GABRB3: variants seen among roughly 807,000 people sequenced by gnomAD.
The protein encoded by GABRB3 is gamma-aminobutyric acid type A receptor subunit beta3.
In GABRB3, 14 loss-of-function variants were observed where a neutral mutation model predicts 52.1. The observed-to-expected ratio is 0.27, with a 90% CI of 0.18 to 0.42. GABRB3 has a LOEUF of 0.42. Ranked by LOEUF, GABRB3 falls within the 10% of genes least tolerant of loss-of-function variation. The probability of loss-of-function intolerance (pLI) is 1.00; values close to 1 mark genes in which losing one functional copy is unlikely to be tolerated. For synonymous variants in GABRB3, 260 were observed against 232.3 expected, an observed-to-expected ratio of 1.12 and a Z score of -1.08; for missense variants, 307 against 609.1, an observed-to-expected ratio of 0.50 and a Z score of 5.22.
At chr15:26,765,442 C>A (rs191427629) in intron 3 of GABRB3, among the ~76,000 whole-genome samples, 260 of 152,242 alleles carry the variant, frequency 1.7e-3, no homozygotes, top group African/African-American at 6.1e-3. Context: ...TGAATTATGT[C>A]CTCTAAAGTA....
intron 3 of GABRB3, among the ~76,000 whole-genome samples, chr15:26,663,411 T>C (rs1225564703): frequency 6.6e-6 from 1 of 152,252 alleles, no homozygotes; most frequent in Non-Finnish European, 1.5e-5. Flanking sequence ...ATGGTTTTGA[T>C]GCACGCATAT....
chr15:26,572,788 T>C (rs1333695238), intron 6 of GABRB3, among the ~76,000 whole-genome samples: 2 of 152,166 alleles, frequency 1.3e-5, no homozygotes, highest in Non-Finnish European at 2.9e-5. Context: ...AGTGCAGACG[T>C]GGTCAGGTCC....
At chr15:26,652,984 A>G (rs1265309450) in intron 3 of GABRB3, among the ~76,000 whole-genome samples, 1 of 152,206 alleles carries the variant, frequency 6.6e-6, no homozygotes, top group Non-Finnish European at 1.5e-5. Flanking sequence ...CGGCCTTTGC[A>G]AAAATTGCAA....
rs1218862447 is a variant in GABRB3 at position 26,621,350 on chromosome 15, C to T, written c.425G>A (p.Arg142His). ...HGVTVKNRMI[R>H]LHPDGTVLYG... The stretch of plus-strand genomic sequence containing the variant: ...CAGCACTGTCCCATCAGGGTGAAGA[C>T]GGATCATGCGGTTTTTCACTGTCAC... Residue 142 changes from arginine to histidine, a missense_variant, in exon 4 of 9, where the codon CGT (arginine) becomes CAT (histidine). Coordinates refer to ENST00000311550, the MANE Select transcript of GABRB3 (RefSeq NM_000814.6). This position sits in a 1 kb window ranked among gnomAD's most constrained non-coding sequence, Gnocchi z 4.1. The T allele has an allele frequency of 1.2e-6, 2 of 1,613,958 alleles. No homozygotes were observed. Among genetic ancestry groups the T allele is most frequent in the Admixed American group, 1.7e-5 (1 of 60,026 alleles).
intron 4 of GABRB3, among the ~76,000 whole-genome samples, chr15:26,606,460 T>A (rs1405542501): frequency 2.0e-5 from 3 of 151,876 alleles, no homozygotes; most frequent in Non-Finnish European, 4.4e-5. Flanking sequence ...TTGAAAAAAT[T>A]GAAAAAATAT....
intron 3 of GABRB3, among the ~76,000 whole-genome samples, chr15:26,676,843 C>T (rs1035787960): frequency 1.3e-5 from 2 of 152,094 alleles, no homozygotes; most frequent in African/African-American, 4.8e-5. Flanking sequence ...CCACATGATA[C>T]CAGATATTAT....
At chr15:26,726,679 G>A (rs1008533114) in intron 3 of GABRB3, among the ~76,000 whole-genome samples, 1 of 152,066 alleles carries the variant, frequency 6.6e-6, no homozygotes. Flanking sequence ...TGCCCTTCTT[G>A]GTGATCATAC....
chr15:26,555,530 G>A (rs1889721123), intron 8 of GABRB3, among the ~76,000 whole-genome samples: 2 of 152,176 alleles, frequency 1.3e-5, no homozygotes, highest in Non-Finnish European at 2.9e-5. Context: ...GAACTCTAGT[G>A]AAGGAAACTT....
chr15:26,716,957 C>T (rs866861995), intron 3 of GABRB3, among the ~76,000 whole-genome samples: 41 of 141,168 alleles, frequency 2.9e-4, no homozygotes, highest in Admixed American at 4.9e-4. Context: ...GCTCTGAGGA[C>T]CTCCACCCAA....
At position 26,747,988 on chromosome 15, in the gene GABRB3, T is replaced by G. The variant is rs542953169; in HGVS notation, c.240+24414A>C. On this transcript the variant is annotated intron_variant, in intron 3 of 8. Transcript: ENST00000311550. ...TTTTTTTTTTTTTTTTGCCTACAAT[T>G]TTTTTCTTTAGCCTGTCAATACTGT... Among the ~76,000 whole-genome samples the G allele has an allele frequency of 1.8e-3, 270 of 150,722 alleles. 3 individuals carry two copies. The highest frequency in any genetic ancestry group is 6.2e-3 in the African/African-American group (252 of 40,900).
chr15:26,593,625 C>T (rs1891285344), intron 4 of GABRB3, among the ~76,000 whole-genome samples: 3 of 152,050 alleles, frequency 2.0e-5, no homozygotes, highest in Admixed American at 1.3e-4. Context: ...AAGGTTCACC[C>T]ATGGTGTAGC....
intron 5 of GABRB3, 77 bp downstream of exon 5, chr15:26,583,254 GA>G (rs1890853453): frequency 3.2e-6 from 4 of 1,243,986 alleles, no homozygotes; most frequent in South Asian, 2.4e-5. Flanking sequence ...TGGATGCCTT[GA>G]AAAAAGATGC....
chr15:26,639,192 C>G (rs1405625620), intron 3 of GABRB3, among the ~76,000 whole-genome samples: 1 of 152,038 alleles, frequency 6.6e-6, no homozygotes, highest in Non-Finnish European at 1.5e-5. Context: ...TAATCATGGC[C>G]ATCAACCCAA....
At chr15:26,746,101 T>C (rs1323067985) in intron 3 of GABRB3, among the ~76,000 whole-genome samples, 1 of 152,254 alleles carries the variant, frequency 6.6e-6, no homozygotes, top group Non-Finnish European at 1.5e-5. Flanking sequence ...CTTCTCTACG[T>C]TCTACCCAGT....
At chr15:26,742,985 A>C (rs12593579) in intron 3 of GABRB3, among the ~76,000 whole-genome samples, 25,917 of 130,886 alleles carry the variant, frequency 0.2, 2,703 homozygotes, top group East Asian at 0.33. Context: ...GCGGGAGTGC[A>C]GTTGTAGGAT....
chr15:26,737,803 C>G (rs973149282), intron 3 of GABRB3, among the ~76,000 whole-genome samples: 4 of 152,114 alleles, frequency 2.6e-5, no homozygotes, highest in Non-Finnish European at 5.9e-5. Context: ...TACTTTTTTA[C>G]TTAATGTTAT....
intron 6 of GABRB3, among the ~76,000 whole-genome samples, chr15:26,570,292 G>C (rs1181391442): frequency 6.6e-6 from 1 of 152,202 alleles, no homozygotes; most frequent in Non-Finnish European, 1.5e-5. Context: ...ACCATCAGTA[G>C]AATGAGGCTT....
chr15:26,758,350 G>C (rs1190268576), intron 3 of GABRB3, among the ~76,000 whole-genome samples: 2 of 152,108 alleles, frequency 1.3e-5, no homozygotes, highest in Non-Finnish European at 2.9e-5. Context: ...GTCAGCCTTT[G>C]TTTAACAAAT....
chr15:26,555,829 T>A (rs1373022777), intron 8 of GABRB3, among the ~76,000 whole-genome samples: 1 of 152,218 alleles, frequency 6.6e-6, no homozygotes, highest in East Asian at 1.9e-4. Context: ...TTGGCTGCTT[T>A]ATTTATGGTT....
Sources: gnomAD v4.1 joint callset for allele counts (sites outside exome capture counted in the v4.1 genomes callset) on GRCh38, gnomAD v4.1.1 for gene constraint, Gnocchi (gnomAD v3.1) non-coding constraint, MANE v1.5 for transcripts, NCBI Gene and HGNC (gene_info 2026-07-23, HGNC 2026-07-21) for gene names.